Variants in SUZ12 observed in about 807,000 individuals in gnomAD.
SUZ12 encodes polycomb protein SUZ12.
SUZ12 carries 17 observed loss-of-function variants against 87.3 expected under a neutral mutation model. The observed-to-expected ratio is 0.19, with a 90% confidence interval of 0.13 to 0.29. SUZ12 has a LOEUF of 0.29. SUZ12 is among the 10% of genes least tolerant of loss of function. The pLI, the probability that SUZ12 is intolerant of heterozygous loss-of-function variation, is 1.00. For missense variants in SUZ12, 526 were observed against 912.2 expected (o/e 0.58, Z 5.45); for synonymous variants, 253 against 312.4 (o/e 0.81, Z 2.01).
chr17:31,944,847 A>G (rs1191492057), intron 3 of SUZ12, among the ~76,000 whole-genome samples: 1 of 152,100 alleles, frequency 6.6e-6, no homozygotes, highest in Admixed American at 6.6e-5. Context: ...ACAAGTTTAC[A>G]TTTAAAGGCG....
intron 5 of SUZ12, among the ~76,000 whole-genome samples, chr17:31,969,998 A>C (rs2627077): frequency 2.0e-5 from 3 of 151,828 alleles, no homozygotes; most frequent in South Asian, 2.1e-4. Context: ...GTCTTGCTTC[A>C]TTGCAGCCTC....
At chr17:31,954,693 G>T (rs1473364609) in intron 4 of SUZ12, among the ~76,000 whole-genome samples, 2 of 152,148 alleles carry the variant, frequency 1.3e-5, no homozygotes, top group Middle Eastern at 3.2e-3. Context: ...CATTTGAGGT[G>T]TTAGATTTGG....
chr17:31,997,584 AGAACCCGG>A (rs1373660454), intron 15 of SUZ12, among the ~76,000 whole-genome samples: 1 of 151,000 alleles, frequency 6.6e-6, no homozygotes, highest in African/African-American at 2.5e-5. Flanking sequence ...AATCACTTGA[AGAACCCGG>A]GAAATGGAAA....
At chr17:31,977,455 A>G (rs1908825930) in intron 8 of SUZ12, among the ~76,000 whole-genome samples, 1 of 151,644 alleles carries the variant, frequency 6.6e-6, no homozygotes, top group Non-Finnish European at 1.5e-5. Flanking sequence ...AATTTTTTGT[A>G]TTTTCAGTAG....
intron 1 of SUZ12, 76 bp downstream of exon 1, chr17:31,937,596 C>T (rs1188502704): frequency 1.3e-6 from 2 of 1,513,526 alleles, no homozygotes; most frequent in Non-Finnish European, 1.8e-6. Context: ...TGCTGGGCCC[C>T]CTTCCTCCTC....
At chr17:31,996,762 A>C (rs779958195) in intron 14 of SUZ12, 36 bp from the exon 15 acceptor site, 1 of 1,392,770 alleles carries the variant, frequency 7.2e-7, no homozygotes, top group Non-Finnish European at 9.7e-7. Context: ...TTCTTAAAAT[A>C]TGTGTTTAAT....
In SUZ12 at chr17:31,987,782, C is replaced by A. The variant is rs796628088; in HGVS notation, c.1024-538C>A. ...CCCGTCTCTACTAAAAACACACACA[C>A]AAAAAATTAGCTGGGCGTGACGGCA... is the stretch of plus-strand genomic sequence containing the variant. On this transcript the variant is annotated intron_variant, in intron 9 of 15. Transcript: ENST00000322652. Among the ~76,000 whole-genome samples, 12 of 152,040 alleles carry A rather than the reference C, an allele frequency of 7.9e-5. 1 individual carries two copies. The highest frequency in any genetic ancestry group is 1.7e-4 in the African/African-American group (7 of 41,524).
At chr17:31,960,682 G>A (rs111484028) in intron 4 of SUZ12, among the ~76,000 whole-genome samples, 23,704 of 152,040 alleles carry the variant, frequency 0.16, 2,073 homozygotes, top group African/African-American at 0.22. Context: ...GGTTCAAGCT[G>A]TTCTTCTGCT....
intron 9 of SUZ12, among the ~76,000 whole-genome samples, chr17:31,984,033 C>G (rs2142196134): frequency 6.6e-6 from 1 of 152,106 alleles, no homozygotes; most frequent in South Asian, 2.1e-4. Context: ...AAATTAGTTC[C>G]AAGTCAATCT....
chr17:31,974,738 A>G (rs547816469), intron 6 of SUZ12, among the ~76,000 whole-genome samples: 1 of 152,324 alleles, frequency 6.6e-6, no homozygotes, highest in Admixed American at 6.5e-5. Context: ...TTTTCACTTT[A>G]TAGTCTTATA....
intron 6 of SUZ12, among the ~76,000 whole-genome samples, chr17:31,973,756 CAT>C (rs1372739815): frequency 6.6e-6 from 1 of 152,102 alleles, no homozygotes; most frequent in Non-Finnish European, 1.5e-5. Context: ...TCAAAGCCAA[CAT>C]ATGTACCTTT....
intron 6 of SUZ12, among the ~76,000 whole-genome samples, chr17:31,973,856 G>A (rs964859612): frequency 6.6e-6 from 1 of 152,140 alleles, no homozygotes; most frequent in African/African-American, 2.4e-5. Flanking sequence ...CAAGACCATA[G>A]GCCATAAGGG....
At chr17:31,992,709 C>CAGAGGTGCTTTTTAAGGAAAAAAATAAGT (rs1427630552) in intron 10 of SUZ12, among the ~76,000 whole-genome samples, 3 of 151,296 alleles carry the variant, frequency 2.0e-5, no homozygotes, top group African/African-American at 4.9e-5. Context: ...CGCGCCCGGC[C>CAGAGGTGCTTTTTAAGGAAAAAAATAAGT]CTGTTTTTGT....
chr17:31,979,123 A>G (rs111652660), intron 8 of SUZ12, among the ~76,000 whole-genome samples: 9 of 145,736 alleles, frequency 6.2e-5, no homozygotes, highest in African/African-American at 2.3e-4. Context: ...AAAAAAAAAA[A>G]AAGAATTCAA....
chr17:31,964,312 A>G (rs1300657794), intron 4 of SUZ12, among the ~76,000 whole-genome samples: 1 of 151,166 alleles, frequency 6.6e-6, no homozygotes, highest in African/African-American at 2.5e-5. Flanking sequence ...GTTGTGAGCC[A>G]CCGCACCCAG....
intron 4 of SUZ12, among the ~76,000 whole-genome samples, chr17:31,961,363 G>A (rs559553125): frequency 5.9e-5 from 9 of 152,170 alleles, no homozygotes; most frequent in South Asian, 2.1e-4. Flanking sequence ...CCTGGCCAAC[G>A]TGGTGAAACC....
chr17:31,937,927 C>G (rs2142113773), intron 1 of SUZ12, among the ~76,000 whole-genome samples: 1 of 140,774 alleles, frequency 7.1e-6, no homozygotes, highest in Admixed American at 7.6e-5. Context: ...CAAAATGAAG[C>G]CTGTGAAGGG....
At chr17:31,978,843 C>T (rs1338221894) in intron 8 of SUZ12, among the ~76,000 whole-genome samples, 2 of 152,120 alleles carry the variant, frequency 1.3e-5, no homozygotes, top group Non-Finnish European at 2.9e-5. Flanking sequence ...CATGGTGGCT[C>T]ACGCCTGTAA....
intron 6 of SUZ12, among the ~76,000 whole-genome samples, chr17:31,974,457 G>A (rs1470529864): frequency 6.6e-6 from 1 of 152,148 alleles, no homozygotes; most frequent in African/African-American, 2.4e-5. Context: ...AACCCGGGAG[G>A]CGGAGCTTGC....
Sources: allele counts gnomAD v4.1 joint callset (sites outside exome capture counted in the v4.1 genomes callset), GRCh38; gene constraint gnomAD v4.1.1; transcripts MANE v1.5; gene names NCBI Gene and HGNC (gene_info 2026-07-23, HGNC 2026-07-21).